The following FAM135B variants were observed in gnomAD, a reference collection of about 807,000 sequenced individuals.
FAM135B encodes the protein protein FAM135B.
A neutral mutation model predicts 127.7 loss-of-function variants in FAM135B; 43 were observed. The ratio of observed to expected loss-of-function variants is 0.34; its 90% confidence interval spans 0.26 to 0.43. FAM135B has a LOEUF of 0.43. Among genes scored for constraint, FAM135B ranks in the 20% least tolerant of loss-of-function variants. The pLI is 1.00. For synonymous variants in FAM135B, 670 were observed against 665.1 expected (o/e 1.01, Z -0.11); for missense variants, 1,558 against 1,725.6 (o/e 0.90, Z 1.72).
At chr8:138,304,153 C>A (rs1267860808) in intron 3 of FAM135B, among the ~76,000 whole-genome samples, 1 of 152,126 alleles carries the variant, frequency 6.6e-6, no homozygotes, top group Admixed American at 6.5e-5. Flanking sequence ...CACTTCAGCC[C>A]ATCAGGCAAC....
intron 9 of FAM135B, among the ~76,000 whole-genome samples, chr8:138,184,564 G>A (rs142366902): frequency 6.6e-6 from 1 of 152,288 alleles, no homozygotes; most frequent in East Asian, 1.9e-4. Context: ...CATTCCATGG[G>A]ACGGGCCATA....
chr8:138,228,325 G>T (rs1819636126), intron 7 of FAM135B, among the ~76,000 whole-genome samples: 1 of 152,002 alleles, frequency 6.6e-6, no homozygotes, highest in Non-Finnish European at 1.5e-5. Context: ...GCTGAGGTTT[G>T]CATAATTTAA....
chr8:138,454,308 C>T (rs1836656225), intron 1 of FAM135B, among the ~76,000 whole-genome samples: 1 of 152,108 alleles, frequency 6.6e-6, no homozygotes, highest in Non-Finnish European at 1.5e-5. Context: ...GGAACACAGC[C>T]ATGTTTCAGT....
chr8:138,373,204 C>G (rs1322890062), intron 1 of FAM135B, among the ~76,000 whole-genome samples: 5 of 152,040 alleles, frequency 3.3e-5, no homozygotes, highest in African/African-American at 1.2e-4. Context: ...GTCAGGGACC[C>G]CAAATGGAGG....
chr8:138,404,307 G>T (rs1833327507), intron 1 of FAM135B, among the ~76,000 whole-genome samples: 1 of 152,076 alleles, frequency 6.6e-6, no homozygotes, highest in East Asian at 1.9e-4. Flanking sequence ...TTAAAACTAT[G>T]TTATTGCTAA....
chr8:138,422,203 C>A (rs113060858), intron 1 of FAM135B, among the ~76,000 whole-genome samples: 69 of 152,050 alleles, frequency 4.5e-4, no homozygotes, highest in African/African-American at 1.5e-3. Context: ...TTCTGGACAT[C>A]CACCTTCACA....
chr8:138,177,566 C>G, intron 10 of FAM135B, 146 bp from the exon 11 acceptor site: 1 of 661,892 alleles, frequency 1.5e-6, no homozygotes, highest in South Asian at 2.2e-5. Context: ...TCTGAATCAA[C>G]AGTCTTCACA....
intron 7 of FAM135B, among the ~76,000 whole-genome samples, chr8:138,233,835 A>G (rs1172781935): frequency 6.8e-6 from 1 of 147,140 alleles, no homozygotes; most frequent in Non-Finnish European, 1.5e-5. Flanking sequence ...ACAACAAATA[A>G]ATAAATAAAT....
intron 2 of FAM135B, among the ~76,000 whole-genome samples, chr8:138,339,358 A>ACTAAATATATATATATAT (rs1554669016): frequency 6.8e-6 from 1 of 147,764 alleles, no homozygotes; most frequent in African/African-American, 2.6e-5. Context: ...AAACTAACTA[A>ACTAAATATATATATATAT]ATATATATAT....
rs186283116 is a variant in FAM135B at position 138,139,967 on chromosome 8, A to G, written c.3791-871T>C. Among the ~76,000 whole-genome samples, 66 of 152,368 alleles carry G rather than the reference A, an allele frequency of 4.3e-4. 1 individual carries two copies. The highest frequency in any genetic ancestry group is 3.4e-3 in the Middle Eastern group (1 of 294). On this transcript the variant is annotated intron_variant, in intron 17 of 19. Transcript: ENST00000395297. ...TGTGCACAAAGATAAGTAGAATGAA[A>G]TATATAAAATTACTCTGGATATGCT...
At chr8:138,265,656 A>G (rs937068778) in intron 4 of FAM135B, 47 bp downstream of exon 4, 5 of 1,606,120 alleles carry the variant, frequency 3.1e-6, no homozygotes, top group Non-Finnish European at 4.3e-6. Context: ...GAGAACAGCC[A>G]TGATAGGGAA....
intron 12 of FAM135B, among the ~76,000 whole-genome samples, chr8:138,156,387 T>A (rs2130818310): frequency 6.6e-6 from 1 of 152,108 alleles, no homozygotes; most frequent in Non-Finnish European, 1.5e-5. Flanking sequence ...TTAAAAGAAC[T>A]AGAGAAGCAA....
In FAM135B at chr8:138,134,542, T is replaced by G. The variant is rs1350266767; in HGVS notation, c.4016-1744A>C. Among the ~76,000 whole-genome samples, 3 of 152,212 alleles carry G rather than the reference T, an allele frequency of 2.0e-5. No homozygotes were observed. In the East Asian group the frequency reaches 5.8e-4, roughly 29 times the overall value. On this transcript the variant is annotated intron_variant, in intron 19 of 19. Transcript: ENST00000395297. Reference sequence around the variant, plus strand: ...TATGTTTTCTCAAATACAGCACTGTTTTTAAATTGATGGACTTTTGGGATA... The same window carrying G: ...TATGTTTTCTCAAATACAGCACTGTGTTTAAATTGATGGACTTTTGGGATA...
At chr8:138,274,833 G>A (rs968999465) in intron 3 of FAM135B, among the ~76,000 whole-genome samples, 6 of 152,090 alleles carry the variant, frequency 3.9e-5, no homozygotes, top group Admixed American at 3.3e-4. Flanking sequence ...CCGGCGGTCA[G>A]AGTTTAAGGT....
intron 3 of FAM135B, among the ~76,000 whole-genome samples, chr8:138,308,619 A>C (rs1476990573): frequency 1.9e-5 from 2 of 105,184 alleles, no homozygotes; most frequent in South Asian, 4.3e-4. Context: ...ACTATACTAG[A>C]AAAGAAAATA....
intron 9 of FAM135B, among the ~76,000 whole-genome samples, chr8:138,182,533 G>A (rs532040917): frequency 4.1e-4 from 62 of 152,290 alleles, no homozygotes; most frequent in African/African-American, 1.4e-3. Flanking sequence ...CTGTCCCAGC[G>A]GTGTGCCGAG....
intron 7 of FAM135B, among the ~76,000 whole-genome samples, chr8:138,200,247 G>A (rs1158176117): frequency 6.6e-6 from 1 of 152,230 alleles, no homozygotes; most frequent in Non-Finnish European, 1.5e-5. Context: ...CAGAAGACTT[G>A]TCCATTTTGG....
chr8:138,141,101 A>T lies in FAM135B; in HGVS notation c.3790+97T>A. The T allele has an allele frequency of 8.4e-7, 1 of 1,185,328 alleles. No individual in the cohort carries two copies. Among genetic ancestry groups the T allele is most frequent in the Non-Finnish European group, 1.2e-6 (1 of 827,262 alleles). The allele number at this position is 1,185,328 out of a possible 1,614,324, so 73.4% of individuals were successfully genotyped here. On this transcript the variant is annotated intron_variant, in intron 17 of 19. Coordinates refer to ENST00000395297, the MANE Select transcript of FAM135B (RefSeq NM_015912.4). The surrounding 1 kb of genome is among the most constrained non-coding windows in gnomAD (Gnocchi z 4.7). ...ATGCCATGCTTGGAAAAGACTGCAC[A>T]GTCACAGGGTTCCAAGTGGAAGTAC...
rs1350299830 is a variant in FAM135B at position 138,345,559 on chromosome 8, AC to A, written c.77+22347del. Among the ~76,000 whole-genome samples the A allele has an allele frequency of 2.5e-5, 3 of 121,954 alleles. No individual in the cohort carries two copies. In the East Asian group the frequency reaches 1.1e-3, roughly 43 times the overall value. 80.0% of individuals were successfully genotyped at this position (121,954 alleles called of 152,430 possible). The stretch of plus-strand genomic sequence containing the variant: ...GAAACCCTTGTTTTGCCAGTGTGGT[AC>A]CCCAACCCATTTGTTCAAGCCCCTT... On this transcript the variant is annotated intron_variant, in intron 2 of 19. Transcript: ENST00000395297.
Sources: allele counts gnomAD v4.1 joint callset (sites outside exome capture counted in the v4.1 genomes callset), GRCh38; gene constraint gnomAD v4.1.1; non-coding constraint Gnocchi (gnomAD v3.1); transcripts MANE v1.5; gene names NCBI Gene and HGNC (gene_info 2026-07-23, HGNC 2026-07-21).